The following TRPM7 variants were observed in gnomAD, a reference collection of about 807,000 sequenced individuals.
TRPM7 encodes transient receptor potential cation channel subfamily M member 7, also known as LTRPC ion channel family member 7.
A neutral mutation model predicts 229.7 loss-of-function variants in TRPM7; 134 were observed. The observed-to-expected ratio is 0.58, with a 90% CI of 0.51 to 0.67. The LOEUF is 0.67. Ranked by LOEUF, TRPM7 falls within the 30% of genes least tolerant of loss-of-function variation. TRPM7 has a pLI of 0.00. For synonymous variants in TRPM7, 699 were observed against 715.2 expected (o/e 0.98, Z 0.36); for missense variants, 1,901 against 2,210.0 (o/e 0.86, Z 2.80).
In TRPM7 at chr15:50,686,428, G is replaced by A. The variant is rs375584736; in HGVS notation, c.3+103C>T. 5.7e-4 allele frequency: 900 copies of A among 1,592,532 alleles called. 8 individuals carry two copies. The East Asian group carries it at 0.017, about 31-fold the overall frequency. ...CCTCAAGGCAATTCGAGGGTCCTTC[G>A]CCGCATGGAACGCGGCTCCCCACAC... On this transcript the variant is annotated intron_variant, in intron 1 of 38. Transcript: ENST00000646667.
intron 13 of TRPM7, among the ~76,000 whole-genome samples, chr15:50,614,548 C>T (rs1044470707): frequency 2.6e-5 from 4 of 151,770 alleles, no homozygotes; most frequent in Non-Finnish European, 5.9e-5. Context: ...GCCTGTAGTC[C>T]CAGCTACTCA....
intron 9 of TRPM7, 69 bp from the exon 10 acceptor site, chr15:50,631,558 A>G: frequency 9.5e-7 from 1 of 1,047,830 alleles, no homozygotes; most frequent in Non-Finnish European, 1.4e-6. Context: ...AAAACTCAGT[A>G]ATTTCAAACT....
chr15:50,612,849 T>A lies in TRPM7; in HGVS notation c.1771-20A>T, dbSNP rs1450834083. On this transcript the variant is annotated intron_variant, in intron 15 of 38. Transcript: ENST00000646667. ...ATCAATCTTCCAGGGAAAATAAAGT[T>A]ATAAAGCTCATTATAATAAGGCCAT... The A allele has an allele frequency of 1.3e-6, 2 of 1,592,862 alleles. No individual in the cohort carries two copies. The highest frequency in any genetic ancestry group is 3.5e-5 in the Admixed American group (2 of 56,528).
intron 22 of TRPM7, among the ~76,000 whole-genome samples, chr15:50,597,200 A>AATTTTC: frequency 6.7e-6 from 1 of 150,068 alleles, no homozygotes; most frequent in Non-Finnish European, 1.5e-5. Context: ...CCCCTAACTG[A>AATTTTC]AAAATTTCTG....
rs774377973 is a variant in TRPM7, at chr15:50,632,947, T to C, written c.1053A>G (p.Lys351=). The part of the protein sequence containing the change: ...AAEPDIISTI[K]KTFNFGQNEA... ...CATTCTGGCCAAAGTTAAATGTTTT[T>C]TTGATAGTGGAAATAATATCGGGCT... The change falls in exon 9 of 39, where the codon AAA becomes AAG. Residue 351 remains lysine, a synonymous_variant. Coordinates refer to ENST00000646667, the MANE Select transcript of TRPM7 (RefSeq NM_017672.6). 3.7e-6 allele frequency: 6 copies of C among 1,606,648 alleles called. No homozygotes were observed. The African/African-American group carries it at 8.1e-5, about 22-fold the overall frequency.
chr15:50,679,532 A>T (rs1289676782), intron 1 of TRPM7, among the ~76,000 whole-genome samples: 22 of 33,376 alleles, frequency 6.6e-4, no homozygotes, highest in East Asian at 1.5e-3. Flanking sequence ...ATATATATAT[A>T]TATATATTTT....
chr15:50,625,944 C>G (rs988018253), intron 11 of TRPM7, among the ~76,000 whole-genome samples: 6 of 152,134 alleles, frequency 3.9e-5, no homozygotes, highest in Non-Finnish European at 5.9e-5. Flanking sequence ...CCTTCTTTCT[C>G]TTATCACATA....
chr15:50,586,615 G>C (rs945172395), intron 27 of TRPM7, 127 bp from the exon 28 acceptor site: 2 of 604,398 alleles, frequency 3.3e-6, no homozygotes, highest in Admixed American at 3.0e-5. Context: ...GGACACCAAT[G>C]GGTGTATTAT....
chr15:50,586,087 G>A (rs1484894595), intron 28 of TRPM7, among the ~76,000 whole-genome samples: 1 of 152,116 alleles, frequency 6.6e-6, no homozygotes, highest in East Asian at 1.9e-4. Flanking sequence ...AATAAGTGAT[G>A]ATACAGATTA....
chr15:50,588,755 A>C (rs182333228), intron 27 of TRPM7, among the ~76,000 whole-genome samples: 16 of 152,356 alleles, frequency 1.1e-4, no homozygotes, highest in Middle Eastern at 6.8e-3. Context: ...CTAAATAGCC[A>C]CAAGTAATAT....
At chr15:50,577,644 A>T (rs1596079963) in intron 31 of TRPM7, among the ~76,000 whole-genome samples, 2 of 152,092 alleles carry the variant, frequency 1.3e-5, no homozygotes, top group Non-Finnish European at 2.9e-5. Flanking sequence ...CACTCTGAAA[A>T]CCTATTTGGT....
At chr15:50,642,020 C>T (rs1157329916) in intron 5 of TRPM7, among the ~76,000 whole-genome samples, 1 of 150,220 alleles carries the variant, frequency 6.7e-6, no homozygotes, top group African/African-American at 2.4e-5. Flanking sequence ...AAAAAAGTTG[C>T]TGATAATGAA....
chr15:50,647,323 G>C (rs898398598), intron 4 of TRPM7, among the ~76,000 whole-genome samples: 1 of 151,980 alleles, frequency 6.6e-6, no homozygotes, highest in East Asian at 1.9e-4. Context: ...TAGAGACAGG[G>C]TTTCACTATG....
chr15:50,679,617 C>A (rs1435783110), intron 1 of TRPM7, among the ~76,000 whole-genome samples: 10 of 146,226 alleles, frequency 6.8e-5, no homozygotes, highest in African/African-American at 2.6e-4. Context: ...GTCACTGCAA[C>A]CTCCATCTCC....
chr15:50,673,114 G>T (rs11857578), intron 1 of TRPM7, among the ~76,000 whole-genome samples: 1 of 151,032 alleles, frequency 6.6e-6, no homozygotes, highest in African/African-American at 2.5e-5. Flanking sequence ...GTGTAGGCTA[G>T]GTGTACAGTG....
intron 1 of TRPM7, among the ~76,000 whole-genome samples, chr15:50,666,430 G>C (rs1202222476): frequency 6.6e-6 from 1 of 151,786 alleles, no homozygotes; most frequent in Non-Finnish European, 1.5e-5. Flanking sequence ...GACAGAATGA[G>C]AGAAGGGAGA....
chr15:50,594,373 G>A (rs1024290971), intron 24 of TRPM7, 56 bp downstream of exon 24: 1 of 1,390,434 alleles, frequency 7.2e-7, no homozygotes, highest in Admixed American at 2.1e-5. Context: ...ATAGCCTTTG[G>A]TGTAAAAATG....
At chr15:50,676,898 C>A (rs1176553189) in intron 1 of TRPM7, among the ~76,000 whole-genome samples, 2 of 152,122 alleles carry the variant, frequency 1.3e-5, no homozygotes, top group South Asian at 2.1e-4. Context: ...TCTCACTGAC[C>A]CATGAAGATC....
chr15:50,648,345 T>G (rs1229441405), intron 4 of TRPM7, among the ~76,000 whole-genome samples: 3 of 150,904 alleles, frequency 2.0e-5, no homozygotes, highest in Non-Finnish European at 4.4e-5. Flanking sequence ...AATGGTAAAT[T>G]TAAACTTAAA....
Sources: allele counts gnomAD v4.1 joint callset (sites outside exome capture counted in the v4.1 genomes callset), GRCh38; gene constraint gnomAD v4.1.1; transcripts MANE v1.5; gene names NCBI Gene and HGNC (gene_info 2026-07-23, HGNC 2026-07-21).